The following DIP2A variants were observed in gnomAD, a reference collection of about 807,000 sequenced individuals.
The protein encoded by DIP2A is DIP2 acetate--CoA ligase A.
In DIP2A, 85 loss-of-function variants were observed where a neutral mutation model predicts 177.4. That is an observed-to-expected ratio of 0.48 (90% CI 0.40 to 0.57). The LOEUF (loss-of-function observed/expected upper bound fraction) is 0.57. Among genes scored for constraint, DIP2A ranks in the 20% least tolerant of loss-of-function variants. DIP2A has a pLI of 0.00. For synonymous variants in DIP2A, 886 were observed against 881.8 expected, an observed-to-expected ratio of 1.00 and a Z score of -0.08; for missense variants, 1,791 against 2,100.2, an observed-to-expected ratio of 0.85 and a Z score of 2.88.
rs2058191242 is a variant in DIP2A at position 46,509,354 on chromosome 21, T to G, written c.882T>G (p.Asp294Glu). 2 of 1,612,384 alleles carry G rather than the reference T, an allele frequency of 1.2e-6. No individual in the cohort carries two copies. The highest frequency in any genetic ancestry group is 2.2e-5 in the East Asian group (1 of 44,868). The part of the protein sequence containing the change: ...KRPPLKEFFV[D>E]DFEELLEVQQ... Reference sequence around the variant, plus strand: ...CTCCACTGAAGGAGTTCTTTGTGGATGATTTTGAGGAATTGTTGGAAGGTA... The same window carrying G: ...CTCCACTGAAGGAGTTCTTTGTGGAGGATTTTGAGGAATTGTTGGAAGGTA... Residue 294 changes from aspartate (D) to glutamate (E), a missense_variant, in exon 7 of 38, where the codon GAT (aspartate) becomes GAG (glutamate). Physicochemically the swap from Asp to Glu is conservative, Grantham distance 45. Transcript: ENST00000417564.
At chr21:46,575,528 C>CA in the DIP2A span, among the ~76,000 whole-genome samples, 71 of 151,818 alleles carry the variant, frequency 4.7e-4, no homozygotes, top group Non-Finnish European at 4.1e-4. Context: ...AAAGATTCCA[C>CA]AAAAAAAAGT....
At chr21:46,496,685 G>A (rs2057378730) in intron 3 of DIP2A, among the ~76,000 whole-genome samples, 1 of 152,174 alleles carries the variant, frequency 6.6e-6, no homozygotes, top group Non-Finnish European at 1.5e-5. Flanking sequence ...GGTTGAACAA[G>A]CATGGTTTAA....
intron 1 of DIP2A, among the ~76,000 whole-genome samples, chr21:46,474,462 G>A (rs528821190): frequency 6.6e-6 from 1 of 152,340 alleles, no homozygotes; most frequent in South Asian, 2.1e-4. Context: ...AGGCAGAGAA[G>A]GGAGAGACTG....
At chr21:46,583,778 A>G in the DIP2A span, among the ~76,000 whole-genome samples, 1 of 152,214 alleles carries the variant, frequency 6.6e-6, no homozygotes, top group Non-Finnish European at 1.5e-5. Context: ...CCATGGGATG[A>G]TGCAGCACAA....
At chr21:46,474,648 T>G (rs7282296) in intron 1 of DIP2A, among the ~76,000 whole-genome samples, 126,103 of 152,104 alleles carry the variant, frequency 0.83, 52,606 homozygotes, top group African/African-American at 0.91. Context: ...TTTTTGGTTT[T>G]TGTTTTCCTA....
Position 46,504,492 on chromosome 21 carries a change from G to A in DIP2A, c.784+3G>A. 2 of 1,601,792 alleles carry A rather than the reference G, an allele frequency of 1.2e-6. No homozygotes were observed. The highest frequency in any genetic ancestry group is 1.7e-6 in the Non-Finnish European group (2 of 1,173,712). On this transcript the variant is annotated splice_donor_region_variant and intron_variant, in intron 6 of 37. Coordinates refer to ENST00000417564, the MANE Select transcript of DIP2A (RefSeq NM_015151.4). ...GAGCATGCTGGAAACAGCAGATGGTGAGCCTGCCTCTCTTTCTCCTCGTGA... is the reference window on the plus strand; with the variant it reads ...GAGCATGCTGGAAACAGCAGATGGTAAGCCTGCCTCTCTTTCTCCTCGTGA...
At chr21:46,573,319 ACT>A (rs1267595042), downstream of DIP2A, among the ~76,000 whole-genome samples, 1 of 152,032 alleles carries the variant, frequency 6.6e-6, no homozygotes, top group African/African-American at 2.4e-5. Context: ...TCTACAAGAG[ACT>A]CACATCCAAA....
In DIP2A at chr21:46,561,930, G is replaced by C. The variant is rs767405786; in HGVS notation, c.4089+125G>C. 2.3e-4 allele frequency: 342 copies of C among 1,485,980 alleles called. 1 individual carries two copies. The highest frequency in any genetic ancestry group is 2.9e-4 in the Non-Finnish European group (331 of 1,126,346). The allele number at this position is 1,485,980 out of a possible 1,614,324, so 92.0% of individuals were successfully genotyped here. A position where few individuals can be genotyped will look rare whatever the true frequency, so the allele number is the denominator to read the frequency against. ...ACAGGTCGACTTCTGGTTGGGGTGGGCTCGGCTGCTGCAGAAGTCTCCTTC... is the reference window on the plus strand; with the variant it reads ...ACAGGTCGACTTCTGGTTGGGGTGGCCTCGGCTGCTGCAGAAGTCTCCTTC... On this transcript the variant is annotated intron_variant, in intron 34 of 37. Transcript: ENST00000417564.
intron 1 of DIP2A, among the ~76,000 whole-genome samples, chr21:46,470,947 A>AAG (rs57395015): frequency 2.0e-5 from 3 of 151,082 alleles, no homozygotes; most frequent in Non-Finnish European, 4.4e-5. Context: ...AAAAAAAAAA[A>AAG]GAATTCATAT....
At chr21:46,549,321 GA>G (rs546513462) in intron 21 of DIP2A, among the ~76,000 whole-genome samples, 26 of 152,182 alleles carry the variant, frequency 1.7e-4, no homozygotes, top group African/African-American at 6.0e-4. Context: ...AGGCAACACA[GA>G]AAAAAGGAGG....
intron 28 of DIP2A, chr21:46,555,780 G>T (rs1331887030): frequency 1.7e-6 from 1 of 584,686 alleles, no homozygotes; most frequent in Non-Finnish European, 3.1e-6. Context: ...GTCTTGGTGG[G>T]ACCGGGTAGC....
At chr21:46,566,397 C>CAGAGATAA (rs2060838841) in intron 36 of DIP2A, among the ~76,000 whole-genome samples, 163 bp from the exon 37 acceptor site, 2 of 152,180 alleles carry the variant, frequency 1.3e-5, no homozygotes, top group Non-Finnish European at 2.9e-5. Context: ...GCCTGCTCTG[C>CAGAGATAA]CAGGACCTCC....
Position 46,554,591 on chromosome 21 carries a change from C to T in DIP2A, c.3171C>T (p.Ala1057=), listed in dbSNP as rs374994219. 9.3e-6 allele frequency: 15 copies of T among 1,611,756 alleles called. No homozygotes were observed. The African/African-American group carries it at 9.3e-5, about 10-fold the overall frequency. ...TCTCCACAGGGGTGGACCTCATTGC[C>T]GCGTTCTATGGCTGCTTGTACTGTG... is the stretch of plus-strand genomic sequence containing the variant. ...LVYPPGVDLI[A]AFYGCLYCGC... The change falls in exon 27 of 38, where the codon GCC becomes GCT. Residue 1057 remains alanine, a synonymous_variant. Coordinates refer to ENST00000417564, the MANE Select transcript of DIP2A (RefSeq NM_015151.4).
In DIP2A at chr21:46,567,646, C is replaced by G; in HGVS notation, c.*24C>G. ...GAGCGCAGCACACCGGCCCAGGTGC[C>G]GGAGATGAATGAGCCCCAGCAGTCC... On this transcript the variant is annotated 3_prime_UTR_variant, in exon 38 of 38. Transcript: ENST00000417564. The G allele has an allele frequency of 3.2e-6, 5 of 1,556,552 alleles. No individual in the cohort carries two copies. The highest frequency in any genetic ancestry group is 1.2e-5 in the South Asian group (1 of 81,644).
At chr21:46,478,054 C>T (rs2839281) in intron 1 of DIP2A, among the ~76,000 whole-genome samples, 53,333 of 151,982 alleles carry the variant, frequency 0.35, 9,709 homozygotes, top group Middle Eastern at 0.44. Flanking sequence ...GTTCTACTTG[C>T]TTATCTTAGC....
intron 1 of DIP2A, among the ~76,000 whole-genome samples, chr21:46,478,793 A>G (rs2056125044): frequency 6.6e-6 from 1 of 151,540 alleles, no homozygotes; most frequent in Admixed American, 6.6e-5. Context: ...TTCCCTAAAC[A>G]TATTGATTAT....
At chr21:46,547,223 C>T in intron 21 of DIP2A, 181 bp downstream of exon 21, 1 of 1,392,492 alleles carries the variant, frequency 7.2e-7, no homozygotes, top group Non-Finnish European at 9.3e-7. Context: ...GAGTTAATAT[C>T]CTTACTGTCC....
chr21:46,465,659 T>G (rs749276153), intron 1 of DIP2A, among the ~76,000 whole-genome samples: 58 of 152,234 alleles, frequency 3.8e-4, no homozygotes, highest in South Asian at 8.3e-4. Context: ...TGATAGTCAT[T>G]ATATTATTCG....
rs746947753 is a variant in DIP2A at position 46,563,832 on chromosome 21, A to C, written c.4090-26A>C. The C allele has an allele frequency of 1.9e-6, 3 of 1,610,340 alleles. No homozygotes were observed. In the East Asian group the frequency reaches 6.7e-5, roughly 36 times the overall value. ...AGTCTCGTGTCATGTTTTCTTTAAC[A>C]AGGGACATAGCTCTCCTCCTTCCAG... is the stretch of plus-strand genomic sequence containing the variant. On this transcript the variant is annotated intron_variant, in intron 34 of 37. Coordinates refer to ENST00000417564, the MANE Select transcript of DIP2A (RefSeq NM_015151.4). This position sits in a 1 kb window ranked among gnomAD's most constrained non-coding sequence, Gnocchi z 4.3.
Sources: gnomAD v4.1 joint callset for allele counts (sites outside exome capture counted in the v4.1 genomes callset) on GRCh38, gnomAD v4.1.1 for gene constraint, Gnocchi (gnomAD v3.1) non-coding constraint, MANE v1.5 for transcripts, NCBI Gene and HGNC (gene_info 2026-07-23, HGNC 2026-07-21) for gene names.